INPP4A: variants seen among roughly 807,000 people sequenced by gnomAD.
INPP4A encodes the protein inositol polyphosphate-4-phosphatase type I A, also known as inositol polyphosphate-4-phosphatase, type I, 107kD.
Under a neutral mutation model 119.8 loss-of-function variants are expected in INPP4A, and 33 were observed. That is an observed-to-expected ratio of 0.28 (90% CI 0.21 to 0.37). The LOEUF is 0.37. Ranked by LOEUF, INPP4A falls within the 10% of genes least tolerant of loss-of-function variation. INPP4A has a pLI of 1.00. For missense variants in INPP4A, 956 were observed against 1,289.9 expected, an observed-to-expected ratio of 0.74 and a Z score of 3.97; for synonymous variants, 496 against 500.7, an observed-to-expected ratio of 0.99 and a Z score of 0.12.
At chr2:98,456,971 C>T (rs1407851167) in intron 1 of INPP4A, among the ~76,000 whole-genome samples, 1 of 152,068 alleles carries the variant, frequency 6.6e-6, no homozygotes, top group African/African-American at 2.4e-5. Context: ...TGGTGAGGGG[C>T]CACTTCACAA....
chr2:98,542,956 A>G (rs758382504), intron 10 of INPP4A, among the ~76,000 whole-genome samples: 2 of 149,664 alleles, frequency 1.3e-5, no homozygotes, highest in East Asian at 2.0e-4. Flanking sequence ...TGGAGTCTCT[A>G]TTGCCTAGGC....
rs1700178142 is a variant in INPP4A at position 98,588,874 on chromosome 2, A to G, written c.*1266A>G. 1 of 209,754 alleles carries G rather than the reference A, an allele frequency of 4.8e-6. No homozygotes were observed. The highest frequency in any genetic ancestry group is 9.7e-6 in the Non-Finnish European group (1 of 103,578). 13.0% of individuals were successfully genotyped at this position (209,754 alleles called of 1,614,324 possible). ...AAAGAAATACATATGGCACATATTA[A>G]TGATGCTGATCCTAATGATTTGTGA... On this transcript the variant is annotated 3_prime_UTR_variant, in exon 25 of 25. Transcript: ENST00000409851.
Position 98,555,570 on chromosome 2 carries a change from C to G in INPP4A, c.1584C>G (p.Asn528Lys). ...TTTGGAAGGAGAAAGTGTGGCTGAA[C>G]GTGGACAAGAGCCTAGAGTGCATCA... is the stretch of plus-strand genomic sequence containing the variant. The part of the protein sequence containing the change: ...HEEEWEKVWL[N>K]VDKSLECIIQ... Residue 528 changes from asparagine (N) to lysine (K), a missense_variant, in exon 16 of 25, where the codon AAC becomes AAG. This residue lies in a region of INPP4A where 652 missense variants were observed against 797.9 expected (regional missense o/e 0.82). Coordinates refer to ENST00000409851, the MANE Select transcript of INPP4A (RefSeq NM_001134225.2). 6.2e-7 allele frequency: 1 copy of G among 1,603,350 alleles called. No homozygotes were observed. Among genetic ancestry groups the G allele is most frequent in the Non-Finnish European group, 8.5e-7 (1 of 1,171,834 alleles).
At chr2:98,494,671 T>C (rs1183703233) in intron 1 of INPP4A, among the ~76,000 whole-genome samples, 4 of 151,676 alleles carry the variant, frequency 2.6e-5, no homozygotes, top group African/African-American at 4.8e-5. Context: ...AAGAGGCCGA[T>C]AAGCAATAGG....
At position 98,591,861 on chromosome 2, in the gene INPP4A, T is replaced by G. The variant is rs750626968; in HGVS notation, c.*4253T>G. 2 of 152,262 alleles carry G rather than the reference T, an allele frequency of 1.3e-5. No individual in the cohort carries two copies. Among genetic ancestry groups the G allele is most frequent in the Non-Finnish European group, 2.9e-5 (2 of 68,068 alleles). 9.4% of individuals were successfully genotyped at this position (152,262 alleles called of 1,614,324 possible). A position where few individuals can be genotyped will look rare whatever the true frequency, so the allele number is the denominator to read the frequency against. Reference sequence around the variant, plus strand: ...AGCATCACACAGCAGGTTGGCACCATTTTTGAATAGAGGTTTCTCACAGTA... The same window carrying G: ...AGCATCACACAGCAGGTTGGCACCAGTTTTGAATAGAGGTTTCTCACAGTA... On this transcript the variant is annotated 3_prime_UTR_variant, in exon 25 of 25. Transcript: ENST00000409851.
chr2:98,450,774 T>C (rs1205810716), intron 1 of INPP4A, among the ~76,000 whole-genome samples: 2 of 151,760 alleles, frequency 1.3e-5, no homozygotes, highest in Non-Finnish European at 2.9e-5. Context: ...TCTCTTTCTG[T>C]TTTTTTTGAG....
intron 1 of INPP4A, among the ~76,000 whole-genome samples, chr2:98,482,715 C>T (rs1678724968): frequency 6.6e-6 from 1 of 152,150 alleles, no homozygotes. Context: ...GGATGTGATG[C>T]AAAAAGATAT....
Position 98,570,332 on chromosome 2 carries a change from G to A in INPP4A, c.2518+1664G>A, listed in dbSNP as rs746631860. Among the ~76,000 whole-genome samples, 20 of 152,194 alleles carry A rather than the reference G, an allele frequency of 1.3e-4. No homozygotes were observed. Among genetic ancestry groups the A allele is most frequent in the Non-Finnish European group, 1.6e-4 (11 of 68,032 alleles). On this transcript the variant is annotated intron_variant, in intron 22 of 24. Transcript: ENST00000409851. This position sits in a 1 kb window ranked among gnomAD's most constrained non-coding sequence, Gnocchi z 4.3. ...AGGGGCCCCTGCTCTGGGGGACAGC[G>A]AGGAAGAAGGGACTCAACAGAAGGC...
intron 19 of INPP4A, 128 bp from the exon 20 acceptor site, chr2:98,565,512 C>G (rs1156345690): frequency 1.1e-6 from 1 of 941,842 alleles, no homozygotes; most frequent in Non-Finnish European, 1.5e-6. Flanking sequence ...TCAGAGACTC[C>G]CCCTCCACCA....
Position 98,563,445 on chromosome 2 carries a change from C to T in INPP4A, c.1856-20C>T, listed in dbSNP as rs781043057. On this transcript the variant is annotated intron_variant, in intron 17 of 24. Coordinates refer to ENST00000409851, the MANE Select transcript of INPP4A (RefSeq NM_001134225.2). ...TAAAATCTCTCTCTCATTGTGATGA[C>T]CCCTTCGCTTGTGCCCCAGGTGAAT... is the stretch of plus-strand genomic sequence containing the variant. 8 of 1,607,230 alleles carry T rather than the reference C, an allele frequency of 5.0e-6. No individual in the cohort carries two copies. Among genetic ancestry groups the T allele is most frequent in the Non-Finnish European group, 6.8e-6 (8 of 1,175,992 alleles).
chr2:98,575,101 T>G (rs1332108574), intron 23 of INPP4A, among the ~76,000 whole-genome samples: 1 of 152,212 alleles, frequency 6.6e-6, no homozygotes, highest in Non-Finnish European at 1.5e-5. Context: ...TGCTCTCCTT[T>G]TCAGGCTCTT....
At chr2:98,453,039 T>C (rs750951652) in intron 1 of INPP4A, among the ~76,000 whole-genome samples, 5 of 152,250 alleles carry the variant, frequency 3.3e-5, no homozygotes, top group Non-Finnish European at 7.3e-5. Flanking sequence ...ACCTGTGTTA[T>C]GTCCCCTTTT....
rs551726857 is a variant in INPP4A, at chr2:98,445,918, G to T, written c.-166+833G>T. On this transcript the variant is annotated intron_variant, in intron 1 of 24. Transcript: ENST00000409851. Reference sequence around the variant, plus strand: ...TGCCACTGAATGTGTCTTGTGTTGGGAACCTGCCTAAGAGTGGAATTTGAT... The same window carrying T: ...TGCCACTGAATGTGTCTTGTGTTGGTAACCTGCCTAAGAGTGGAATTTGAT... Among the ~76,000 whole-genome samples, 8 of 152,308 alleles carry T rather than the reference G, an allele frequency of 5.3e-5. No homozygotes were observed. The South Asian group carries it at 1.7e-3, about 32-fold the overall frequency.
Position 98,546,067 on chromosome 2 carries a change from G to C in INPP4A, c.1048G>C (p.Gly350Arg). 6.4e-7 allele frequency: 1 copy of C among 1,570,908 alleles called. No homozygotes were observed. Among genetic ancestry groups the C allele is most frequent in the South Asian group, 1.2e-5 (1 of 85,350 alleles). Residue 350 changes from glycine to arginine, a missense_variant, in exon 12 of 25, where the codon GGA (glycine) becomes CGA (arginine). Gly to Arg is a moderately radical substitution (Grantham distance 125). Transcript: ENST00000409851. The surrounding 1 kb of genome is among the most constrained non-coding windows in gnomAD (Gnocchi z 4.2). ...IQRMRVQDDG[G>R]SDQNYDIVTI... ...AAGGATGAGAGTTCAAGACGATGGA[G>C]GATCAGGTACCTATTTTTCTGCTCC...
At chr2:98,537,721 A>G in intron 7 of INPP4A, 142 bp from the exon 8 acceptor site, 2 of 645,226 alleles carry the variant, frequency 3.1e-6, no homozygotes, top group African/African-American at 1.8e-5. Context: ...CTGTGTGCAC[A>G]GTGAATGCTG....
intron 16 of INPP4A, among the ~76,000 whole-genome samples, chr2:98,558,040 G>A (rs966528807): frequency 1.3e-5 from 2 of 152,244 alleles, no homozygotes; most frequent in African/African-American, 2.4e-5. Flanking sequence ...GCTGGAATTT[G>A]CATGTGTGTA....
intron 1 of INPP4A, among the ~76,000 whole-genome samples, chr2:98,476,992 CTGAT>C (rs1677372589): frequency 6.6e-6 from 1 of 152,174 alleles, no homozygotes; most frequent in South Asian, 2.1e-4. Context: ...TCTGGGGTAT[CTGAT>C]TGTCAGATGG....
chr2:98,555,501 T>A, intron 15 of INPP4A, 52 bp from the exon 16 acceptor site: 1 of 1,545,420 alleles, frequency 6.5e-7, no homozygotes, highest in Non-Finnish European at 8.8e-7. Context: ...TGTGTTATGT[T>A]TGTGTTTCTG....
intron 1 of INPP4A, among the ~76,000 whole-genome samples, chr2:98,454,412 T>G (rs1695744605): frequency 6.6e-6 from 1 of 151,950 alleles, no homozygotes; most frequent in African/African-American, 2.4e-5. Flanking sequence ...TAGGGGCAAG[T>G]TGGATTGTAG....
Sources: allele counts gnomAD v4.1 joint callset (sites outside exome capture counted in the v4.1 genomes callset), GRCh38; gene constraint gnomAD v4.1.1; regional missense constraint gnomAD v4.1.1; non-coding constraint Gnocchi (gnomAD v3.1); transcripts MANE v1.5; gene names NCBI Gene and HGNC (gene_info 2026-07-23, HGNC 2026-07-21).